The following SLC25A26 variants were observed in gnomAD, a reference collection of about 807,000 sequenced individuals.
SLC25A26 encodes mitochondrial S-adenosylmethionine carrier protein.
SLC25A26 carries 36 observed loss-of-function variants against 37.8 expected under a neutral mutation model. The ratio of observed to expected loss-of-function variants is 0.95; its 90% CI spans 0.73 to 1.26. The LOEUF is 1.26. Ranked by LOEUF, SLC25A26 falls within the 50% of genes most tolerant of loss-of-function variation. The pLI is 0.00. For synonymous variants in SLC25A26, 129 were observed against 122.5 expected (o/e 1.05, Z -0.35); for missense variants, 390 against 331.1 (o/e 1.18, Z -1.38).
At chr3:66,358,559 A>T (rs982209050) in intron 6 of SLC25A26, among the ~76,000 whole-genome samples, 1 of 152,196 alleles carries the variant, frequency 6.6e-6, no homozygotes, top group African/African-American at 2.4e-5. Flanking sequence ...ATCCAAACCC[A>T]TGTGTTTTCA....
At chr3:66,250,352 A>G (rs982834451) in intron 3 of SLC25A26, among the ~76,000 whole-genome samples, 8 of 152,236 alleles carry the variant, frequency 5.3e-5, no homozygotes, top group African/African-American at 1.9e-4. Context: ...TAAGTGCACT[A>G]AAGTGTTACA....
In SLC25A26 at chr3:66,377,633, G is replaced by T. The variant is rs1700750223; in HGVS notation, c.708-57G>T. On this transcript the variant is annotated intron_variant, in intron 9 of 9. Transcript: ENST00000354883. ...TGAGCTGAGCAAGCTGTGGGTATTG[G>T]AATTTAACCTTTTTTTAAAATACGC... 3.6e-6 allele frequency: 5 copies of T among 1,398,576 alleles called. No homozygotes were observed. The South Asian group carries it at 5.8e-5, about 16-fold the overall frequency. 86.6% of individuals were successfully genotyped at this position (1,398,576 alleles called of 1,614,324 possible). A position where few individuals can be genotyped will look rare whatever the true frequency, so the allele number is the denominator to read the frequency against.
chr3:66,157,800 T>A (rs559606414), intron 1 of SLC25A26, among the ~76,000 whole-genome samples: 34 of 152,286 alleles, frequency 2.2e-4, no homozygotes, highest in Middle Eastern at 3.4e-3. Context: ...TTTAAAAAAA[T>A]TTTTTTGAGA....
chr3:66,206,896 T>C (rs1043941840), intron 1 of SLC25A26, among the ~76,000 whole-genome samples: 23,362 of 126,948 alleles, frequency 0.18, 2,043 homozygotes, highest in East Asian at 0.26. Flanking sequence ...CTTTCTTTCT[T>C]TTTTTTTTTT....
chr3:66,327,656 T>C (rs549382156), intron 5 of SLC25A26, among the ~76,000 whole-genome samples: 1 of 152,322 alleles, frequency 6.6e-6, no homozygotes, highest in Non-Finnish European at 1.5e-5. Context: ...GCTTATTTTT[T>C]TGTTTATTAG....
chr3:66,299,454 T>C (rs1023983975), intron 5 of SLC25A26, among the ~76,000 whole-genome samples: 1 of 152,160 alleles, frequency 6.6e-6, no homozygotes, highest in Admixed American at 6.6e-5. Context: ...CCTCCGAAAA[T>C]GCTGGGATTA....
intron 1 of SLC25A26, among the ~76,000 whole-genome samples, chr3:66,189,352 G>A (rs2070891932): frequency 1.3e-5 from 2 of 151,684 alleles, no homozygotes; most frequent in African/African-American, 4.9e-5. Flanking sequence ...TACACCCTCA[G>A]ATGCTGATCC....
At chr3:66,154,540 C>CTTTTTTTTTTTTTTT (rs60639995) in intron 1 of SLC25A26, among the ~76,000 whole-genome samples, 1 of 130,404 alleles carries the variant, frequency 7.7e-6, no homozygotes, top group Non-Finnish European at 1.6e-5. Context: ...TTCTTTTTTT[C>CTTTTTTTTTTTTTTT]TTTTTTTTTT....
intron 2 of SLC25A26, among the ~76,000 whole-genome samples, chr3:66,242,109 C>T (rs936900427): frequency 6.6e-6 from 1 of 151,964 alleles, no homozygotes; most frequent in African/African-American, 2.4e-5. Flanking sequence ...TTTTATGTTA[C>T]AAAAGAAGCC....
chr3:66,315,187 G>C (rs540337939), intron 5 of SLC25A26, among the ~76,000 whole-genome samples: 1 of 149,890 alleles, frequency 6.7e-6, no homozygotes, highest in South Asian at 2.1e-4. Context: ...TTTACTCTCA[G>C]TTCTCTAGTT....
At chr3:66,153,467 G>A (rs989989386) in intron 1 of SLC25A26, among the ~76,000 whole-genome samples, 1 of 152,214 alleles carries the variant, frequency 6.6e-6, no homozygotes, top group East Asian at 1.9e-4. Context: ...ACTCCCTGAA[G>A]TATAGATTCT....
chr3:66,245,115 C>T (rs2072768722), intron 3 of SLC25A26, among the ~76,000 whole-genome samples: 1 of 151,794 alleles, frequency 6.6e-6, no homozygotes, highest in Non-Finnish European at 1.5e-5. Flanking sequence ...TTTATGTTTT[C>T]CAGACTGGTC....
At chr3:66,324,460 A>G (rs113118412) in intron 5 of SLC25A26, among the ~76,000 whole-genome samples, 1 of 152,074 alleles carries the variant, frequency 6.6e-6, no homozygotes, top group Non-Finnish European at 1.5e-5. Context: ...AATGTTATCC[A>G]TGGGAGCAAT....
At chr3:66,348,806 T>C (rs13326916) in intron 6 of SLC25A26, among the ~76,000 whole-genome samples, 7,688 of 152,288 alleles carry the variant, frequency 0.05, 662 homozygotes, top group African/African-American at 0.17. Flanking sequence ...TTTGTTTTAC[T>C]GTTTCCTATG....
At chr3:66,377,637 T>G in intron 9 of SLC25A26, 53 bp from the exon 10 acceptor site, 1 of 1,441,130 alleles carries the variant, frequency 6.9e-7, no homozygotes, top group Non-Finnish European at 9.8e-7. Flanking sequence ...GTATTGGAAT[T>G]TAACCTTTTT....
chr3:66,188,628 G>GTC (rs2070875660), intron 1 of SLC25A26, among the ~76,000 whole-genome samples: 1 of 152,122 alleles, frequency 6.6e-6, no homozygotes, highest in African/African-American at 2.4e-5. Context: ...GCAGATGCTA[G>GTC]TGCCATGTTT....
intron 1 of SLC25A26, among the ~76,000 whole-genome samples, chr3:66,195,586 T>C (rs1355998654): frequency 6.6e-6 from 1 of 152,250 alleles, no homozygotes; most frequent in Non-Finnish European, 1.5e-5. Context: ...GCCCTCGGGC[T>C]AGCGTCTGGC....
intron 1 of SLC25A26, among the ~76,000 whole-genome samples, chr3:66,191,375 A>G (rs2070938706): frequency 6.6e-6 from 1 of 152,174 alleles, no homozygotes; most frequent in Non-Finnish European, 1.5e-5. Context: ...AGCCTGGGTG[A>G]CAGAATGAGT....
At chr3:66,203,543 G>C (rs2071136023) in intron 1 of SLC25A26, among the ~76,000 whole-genome samples, 1 of 152,046 alleles carries the variant, frequency 6.6e-6, no homozygotes, top group African/African-American at 2.4e-5. Flanking sequence ...AAATACCTTT[G>C]GGTGCTAATA....
Sources: allele counts gnomAD v4.1 joint callset (sites outside exome capture counted in the v4.1 genomes callset), GRCh38; gene constraint gnomAD v4.1.1; transcripts MANE v1.5; gene names NCBI Gene and HGNC (gene_info 2026-07-23, HGNC 2026-07-21).